RP1: variants seen among roughly 807,000 people sequenced by gnomAD.
RP1 encodes oxygen-regulated protein 1.
A neutral mutation model predicts 14.8 loss-of-function variants in RP1; 16 were observed. The observed-to-expected ratio is 1.08, with a 90% confidence interval of 0.73 to 1.65. The LOEUF (loss-of-function observed/expected upper bound fraction) is 1.65. Among genes scored for constraint, RP1 ranks in the 40% most tolerant of loss-of-function variants. The pLI is 0.00. For synonymous variants in RP1, 876 were observed against 883.6 expected (o/e 0.99, Z 0.15); for missense variants, 2,631 against 2,535.0 (o/e 1.04, Z -0.81).
intron 8 of RP1, among the ~76,000 whole-genome samples, chr8:54,678,243 T>C (rs1807341612): frequency 6.6e-6 from 1 of 152,214 alleles, no homozygotes; most frequent in African/African-American, 2.4e-5. Context: ...CAATAAGGCA[T>C]GAAGCCTTAA....
intron 24 of RP1, among the ~76,000 whole-genome samples, chr8:54,822,510 T>C (rs1811280891): frequency 6.6e-6 from 1 of 152,266 alleles, no homozygotes; most frequent in African/African-American, 2.4e-5. Flanking sequence ...GTTTATATCT[T>C]CTATAAATAC....
At chr8:54,619,734 A>G (rs1805809551) in intron 1 of RP1, among the ~76,000 whole-genome samples, 1 of 152,226 alleles carries the variant, frequency 6.6e-6, no homozygotes, top group Non-Finnish European at 1.5e-5. Flanking sequence ...TTCAAAGGAC[A>G]TTTTTGCTTA....
At chr8:54,821,020 C>G (rs10097755) in intron 24 of RP1, among the ~76,000 whole-genome samples, 44,194 of 151,828 alleles carry the variant, frequency 0.29, 6,791 homozygotes, top group South Asian at 0.37. Flanking sequence ...GAATAAAAAG[C>G]CATATTTAAA....
intron 22 of RP1, among the ~76,000 whole-genome samples, chr8:54,763,774 A>G (rs1238201385): frequency 6.6e-6 from 1 of 152,244 alleles, no homozygotes; most frequent in East Asian, 1.9e-4. Context: ...AATTGTAGTC[A>G]GATAGGTGGA....
At chr8:54,737,329 C>T (rs1808958005) in intron 18 of RP1, among the ~76,000 whole-genome samples, 2 of 152,160 alleles carry the variant, frequency 1.3e-5, no homozygotes, top group African/African-American at 4.8e-5. Context: ...TGCTCTTCTG[C>T]CTTAACAGAC....
chr8:54,780,847 T>G, intron 23 of RP1: 1 of 846,524 alleles, frequency 1.2e-6, no homozygotes, highest in Non-Finnish European at 1.4e-6. Flanking sequence ...TAGGCTGAAG[T>G]TCGGAATTCT....
chr8:54,734,157 C>A (rs989714173), intron 17 of RP1, among the ~76,000 whole-genome samples: 2 of 151,972 alleles, frequency 1.3e-5, no homozygotes, highest in African/African-American at 2.4e-5. Flanking sequence ...TGTTTTAATT[C>A]CCCTTTTTTG....
chr8:54,625,909 C>T lies in RP1; in HGVS notation c.2027C>T (p.Ser676Phe), dbSNP rs767901469. 6.2e-7 allele frequency: 1 copy of T among 1,613,782 alleles called. No homozygotes were observed. Among genetic ancestry groups the T allele is most frequent in the Non-Finnish European group, 8.5e-7 (1 of 1,179,914 alleles). The stretch of plus-strand genomic sequence containing the variant: ...GTTGCCAGCAAAAAGAAGAAAAAAT[C>T]TCGACAGCAAGCAATAAATTCCAGG... Reference protein sequence around the residue: ...SSVASKKKKKSRQQAINSRYQ... With the variant: ...SSVASKKKKKFRQQAINSRYQ... Residue 676 changes from serine to phenylalanine, a missense_variant, in exon 4 of 4, where the codon TCT becomes TTT. Ser to Phe is a radical substitution (Grantham distance 155, BLOSUM62 -2). Transcript: ENST00000220676.
intron 1 of RP1, among the ~76,000 whole-genome samples, chr8:54,570,318 T>G (rs1804493544): frequency 2.1e-5 from 3 of 145,940 alleles, no homozygotes; most frequent in Non-Finnish European, 4.5e-5. Flanking sequence ...TCTGTGAATC[T>G]TTGCTTTTAT....
At chr8:54,857,824 T>C (rs1812242113) in intron 27 of RP1, among the ~76,000 whole-genome samples, 1 of 152,174 alleles carries the variant, frequency 6.6e-6, no homozygotes, top group Non-Finnish European at 1.5e-5. Flanking sequence ...CAGGCACAGC[T>C]ATCAACCAAG....
At chr8:54,582,700 C>G (rs1804825267) in intron 1 of RP1, among the ~76,000 whole-genome samples, 1 of 152,052 alleles carries the variant, frequency 6.6e-6, no homozygotes, top group African/African-American at 2.4e-5. Flanking sequence ...TTGTAGTTCT[C>G]CTTGAAGAAG....
At chr8:54,799,999 G>A (rs1810666193) in intron 24 of RP1, among the ~76,000 whole-genome samples, 1 of 152,026 alleles carries the variant, frequency 6.6e-6, no homozygotes. Context: ...AAGAAGAATT[G>A]CCTTCAATAT....
intron 1 of RP1, among the ~76,000 whole-genome samples, chr8:54,582,105 A>G (rs1253883847): frequency 2.0e-5 from 3 of 152,214 alleles, no homozygotes; most frequent in Non-Finnish European, 4.4e-5. Flanking sequence ...GGTATTGCCT[A>G]GGTTTTCTTC....
At chr8:54,740,597 C>T (rs1394027015) in intron 19 of RP1, among the ~76,000 whole-genome samples, 3 of 151,776 alleles carry the variant, frequency 2.0e-5, no homozygotes, top group African/African-American at 2.4e-5. Flanking sequence ...TGATATGCAC[C>T]TGTAATCCCA....
At chr8:54,831,352 A>G (rs2129401153) in intron 24 of RP1, among the ~76,000 whole-genome samples, 1 of 141,630 alleles carries the variant, frequency 7.1e-6, no homozygotes, top group Middle Eastern at 3.9e-3. Context: ...TCAATCTTGT[A>G]TTAATTTGTT....
At chr8:54,658,355 TC>T (rs1313294433) in intron 6 of RP1, among the ~76,000 whole-genome samples, 1 of 149,370 alleles carries the variant, frequency 6.7e-6, no homozygotes, top group Admixed American at 6.6e-5. Flanking sequence ...ATCGAGACCA[TC>T]CCGGCTAAAA....
chr8:54,687,872 T>A (rs887160637), intron 12 of RP1, among the ~76,000 whole-genome samples: 5 of 152,172 alleles, frequency 3.3e-5, no homozygotes, highest in African/African-American at 1.2e-4. Flanking sequence ...TTCTAGATCC[T>A]TGAGGAATCG....
chr8:54,607,647 G>A (rs1805486145), intron 1 of RP1, among the ~76,000 whole-genome samples: 1 of 152,212 alleles, frequency 6.6e-6, no homozygotes, highest in Non-Finnish European at 1.5e-5. Flanking sequence ...CAGAGGTGGA[G>A]TCTATAGAGG....
In RP1 at chr8:54,624,819, T is replaced by C; in HGVS notation, c.937T>C (p.Tyr313His). 4 of 1,613,932 alleles carry C rather than the reference T, an allele frequency of 2.5e-6. No homozygotes were observed. The South Asian group carries it at 3.3e-5, about 13-fold the overall frequency. Residue 313 changes from tyrosine (Y) to histidine (H), a missense_variant, in exon 4 of 4, where the codon TAT (tyrosine) becomes CAT (histidine). Coordinates refer to ENST00000220676, the MANE Select transcript of RP1 (RefSeq NM_006269.2). Reference sequence around the variant, plus strand: ...GAATGATTCTCAGAATTTACCAATATATCCTTCTGAAGATGATATTGAGAA... The same window carrying C: ...GAATGATTCTCAGAATTTACCAATACATCCTTCTGAAGATGATATTGAGAA... The part of the protein sequence containing the change: ...EKNDSQNLPI[Y>H]PSEDDIEKSI...
Sources: gnomAD v4.1 joint callset for allele counts (sites outside exome capture counted in the v4.1 genomes callset) on GRCh38, gnomAD v4.1.1 for gene constraint, MANE v1.5 for transcripts, NCBI Gene and HGNC (gene_info 2026-07-23, HGNC 2026-07-21) for gene names.